Variants in MYO9A observed in about 807,000 individuals in gnomAD.
MYO9A encodes unconventional myosin-IXa.
Under a neutral mutation model 293.3 loss-of-function variants are expected in MYO9A, and 103 were observed. The ratio of observed to expected loss-of-function variants is 0.35; its 90% CI spans 0.30 to 0.41. MYO9A has a LOEUF of 0.41. Among genes scored for constraint, MYO9A ranks in the 10% least tolerant of loss-of-function variants. MYO9A has a pLI of 1.00. For missense variants in MYO9A, 2,685 were observed against 3,033.0 expected (o/e 0.89, Z 2.69); for synonymous variants, 1,001 against 1,035.7 (o/e 0.97, Z 0.64).
intron 8 of MYO9A, among the ~76,000 whole-genome samples, chr15:72,003,298 A>G (rs1401043077): frequency 6.6e-6 from 1 of 151,694 alleles, no homozygotes; most frequent in Non-Finnish European, 1.5e-5. Context: ...AAAAAAAATA[A>G]AAGACAAATC....
chr15:71,872,696 C>G (rs1042961500), intron 32 of MYO9A, among the ~76,000 whole-genome samples: 1 of 152,124 alleles, frequency 6.6e-6, no homozygotes, highest in Non-Finnish European at 1.5e-5. Flanking sequence ...TGTCTCTGTA[C>G]CCCAGCTGTC....
At chr15:72,015,533 T>C (rs781247729) in intron 6 of MYO9A, among the ~76,000 whole-genome samples, 1 of 152,184 alleles carries the variant, frequency 6.6e-6, no homozygotes, top group Non-Finnish European at 1.5e-5. Flanking sequence ...CTTTGCAGCA[T>C]GGTGGAACCA....
At chr15:72,118,369 T>TG (rs150424577), upstream of MYO9A, 2,487 of 167,580 alleles carry the variant, frequency 0.015, 73 homozygotes, top group African/African-American at 0.054. Flanking sequence ...GTCGCAAGGT[T>TG]GGGGACGAAA....
intron 19 of MYO9A, among the ~76,000 whole-genome samples, chr15:71,911,615 T>C (rs887962009): frequency 6.6e-6 from 1 of 152,200 alleles, no homozygotes; most frequent in South Asian, 2.1e-4. Flanking sequence ...CTGATTATAT[T>C]AGGAGAAAGC....
chr15:71,976,262 T>C (rs1370495652), intron 12 of MYO9A, among the ~76,000 whole-genome samples: 1 of 152,224 alleles, frequency 6.6e-6, no homozygotes, highest in Non-Finnish European at 1.5e-5. Flanking sequence ...TGTTGATTAC[T>C]GTGGTGTTAG....
chr15:72,101,954 C>T (rs1320457005), intron 1 of MYO9A, among the ~76,000 whole-genome samples: 12 of 151,994 alleles, frequency 7.9e-5, no homozygotes, highest in Admixed American at 3.3e-4. Context: ...AGTGAGGAGC[C>T]CCTCTGCCCG....
intron 1 of MYO9A, among the ~76,000 whole-genome samples, chr15:72,053,759 A>G (rs779933421): frequency 1.1e-4 from 17 of 152,238 alleles, no homozygotes; most frequent in Non-Finnish European, 2.1e-4. Context: ...CCTGAAACAC[A>G]CAATTTATCT....
At chr15:71,957,067 C>T (rs977481508) in intron 14 of MYO9A, among the ~76,000 whole-genome samples, 1 of 152,112 alleles carries the variant, frequency 6.6e-6, no homozygotes, top group Non-Finnish European at 1.5e-5. Context: ...TATCTGTCTA[C>T]ACATTTTGTT....
intron 39 of MYO9A, among the ~76,000 whole-genome samples, chr15:71,845,588 G>A (rs2055350162): frequency 6.6e-6 from 1 of 152,142 alleles, no homozygotes; most frequent in Non-Finnish European, 1.5e-5. Flanking sequence ...ACAAGCAATT[G>A]TGGGTTCAAC....
rs999979579 is a variant in MYO9A, at chr15:71,897,872, G to A, written c.4631C>T (p.Ala1544Val). ...TTGCTTTGACTGATAGGAAGATGGT[G>A]CCACCAAACACTCTCCAATTCTTGG... ...EKPRIGECLV[A>V]PSSYQSKQRV... The change falls in exon 25 of 42, where the codon GCA becomes GTA. Residue 1544 changes from alanine to valine, a missense_variant. By Grantham distance (64) the Ala-to-Val change is moderately conservative (BLOSUM62 0). Coordinates refer to ENST00000356056, the MANE Select transcript of MYO9A (RefSeq NM_006901.4). 6 of 1,614,114 alleles carry A rather than the reference G, an allele frequency of 3.7e-6. 1 individual carries two copies. The highest frequency in any genetic ancestry group is 2.2e-5 in the South Asian group (2 of 91,086).
At chr15:72,080,311 T>G (rs2150357181) in intron 1 of MYO9A, among the ~76,000 whole-genome samples, 1 of 151,086 alleles carries the variant, frequency 6.6e-6, no homozygotes, top group Admixed American at 6.6e-5. Flanking sequence ...GCTTCTCTTT[T>G]TTTTTTTTTT....
intron 20 of MYO9A, among the ~76,000 whole-genome samples, chr15:71,904,444 G>A (rs1395885697): frequency 6.6e-6 from 1 of 152,208 alleles, no homozygotes; most frequent in Non-Finnish European, 1.5e-5. Context: ...CCTGAGGTCA[G>A]GAGTTCAAGA....
intron 19 of MYO9A, among the ~76,000 whole-genome samples, chr15:71,906,681 T>C (rs1217522045): frequency 2.6e-5 from 4 of 151,408 alleles, no homozygotes; most frequent in Non-Finnish European, 5.9e-5. Context: ...TTTAGTATCA[T>C]TGTATTTAAA....
intron 18 of MYO9A, among the ~76,000 whole-genome samples, chr15:71,932,429 A>G (rs1452908161): frequency 1.3e-5 from 2 of 152,028 alleles, no homozygotes; most frequent in Admixed American, 1.3e-4. Flanking sequence ...AACTCCTTCC[A>G]AGGATAATCT....
intron 1 of MYO9A, among the ~76,000 whole-genome samples, chr15:72,058,297 G>T (rs1034866967): frequency 5.3e-5 from 8 of 151,978 alleles, no homozygotes; most frequent in Non-Finnish European, 1.0e-4. Flanking sequence ...TTTTAAAATG[G>T]GTTAAAACAC....
chr15:72,046,293 G>C lies in MYO9A; in HGVS notation c.271C>G (p.Arg91Gly), dbSNP rs772170464. 22 of 1,613,950 alleles carry C rather than the reference G, an allele frequency of 1.4e-5. No homozygotes were observed. The highest frequency in any genetic ancestry group is 1.8e-5 in the Non-Finnish European group (21 of 1,179,966). The change falls in exon 2 of 42, where the codon CGA (arginine) becomes GGA (glycine). Residue 91 changes from arginine (R) to glycine (G), a missense_variant. Around this residue, in one of 10 missense-constraint regions of MYO9A, gnomAD observed 63 missense variants for 57.9 expected, o/e 1.09. Coordinates refer to ENST00000356056, the MANE Select transcript of MYO9A (RefSeq NM_006901.4). ...CTTAAGCGATTTTCCAGAGCCATTC[G>C]GGGCCACAGCATCATTCGCTGAACT... Reference protein sequence around the residue: ...CPVQRMMLWPRMALENRLSGE... With the variant: ...CPVQRMMLWPGMALENRLSGE...
rs767631204 is a variant in MYO9A at position 71,898,818 on chromosome 15, C to T, written c.3685G>A (p.Glu1229Lys). 1.1e-5 allele frequency: 18 copies of T among 1,614,048 alleles called. No individual in the cohort carries two copies. In the Admixed American group the frequency reaches 2.7e-4, roughly 24 times the overall value. ...CTCTCCTGCTGCTTGTTTGGTGACT[C>T]CTTCAAGCAGTCCACTGAACTTTCA... ...SRESSVDCLK[E>K]SPNKQQERAQ... Residue 1229 changes from glutamate (E) to lysine (K), a missense_variant, in exon 25 of 42, where the codon GAG (glutamate) becomes AAG (lysine). By Grantham distance (56) the Glu-to-Lys change is moderately conservative. Transcript: ENST00000356056.
intron 39 of MYO9A, chr15:71,847,459 G>T (rs896670317): frequency 2.2e-6 from 1 of 454,768 alleles, no homozygotes; most frequent in Admixed American, 2.3e-5. Context: ...ACTGCAATTA[G>T]TACAGGTTTC....
intron 1 of MYO9A, among the ~76,000 whole-genome samples, chr15:72,113,418 G>A (rs1267009110): frequency 6.6e-6 from 1 of 152,170 alleles, no homozygotes; most frequent in Non-Finnish European, 1.5e-5. Context: ...TTACCTGAGA[G>A]GAAGCCTAAA....
Sources: gnomAD v4.1 joint callset for allele counts (sites outside exome capture counted in the v4.1 genomes callset) on GRCh38, gnomAD v4.1.1 for gene constraint, gnomAD v4.1.1 regional missense constraint, MANE v1.5 for transcripts, NCBI Gene and HGNC (gene_info 2026-07-23, HGNC 2026-07-21) for gene names.